SMARCA2: variants seen among roughly 807,000 people sequenced by gnomAD.
SMARCA2 encodes SWI/SNF related BAF chromatin remodeling complex subunit ATPase 2, also known as SWI/SNF-related matrix-associated actin-dependent regulator of chromatin subfamily A member 2.
Under a neutral mutation model 199.8 loss-of-function variants are expected in SMARCA2, and 61 were observed. The ratio of observed to expected loss-of-function variants is 0.31; its 90% CI spans 0.25 to 0.38. SMARCA2 has a LOEUF of 0.38. Among genes scored for constraint, SMARCA2 ranks in the 10% least tolerant of loss-of-function variants. SMARCA2 has a pLI of 1.00. For synonymous variants in SMARCA2, 935 were observed against 732.0 expected (o/e 1.28, Z -4.48); for missense variants, 1,344 against 2,012.2 (o/e 0.67, Z 6.35).
At chr9:2,030,443 A>T (rs914913885) in intron 2 of SMARCA2, among the ~76,000 whole-genome samples, 2 of 152,140 alleles carry the variant, frequency 1.3e-5, no homozygotes, top group African/African-American at 4.8e-5. Flanking sequence ...TCTGAGTCCA[A>T]AGAGCCAGAA....
chr9:2,157,625 T>G (rs1825434081), intron 27 of SMARCA2: 1 of 353,376 alleles, frequency 2.8e-6, no homozygotes, highest in South Asian at 1.5e-4. Context: ...ATTGCTCCTT[T>G]CAGTGTTAAG....
At chr9:2,071,147 ATAAACC>A (rs1343533361) in intron 10 of SMARCA2, among the ~76,000 whole-genome samples, 6 of 152,230 alleles carry the variant, frequency 3.9e-5, no homozygotes, top group African/African-American at 1.4e-4. Context: ...ATAAATTCTG[ATAAACC>A]TACTTGGAGG....
At chr9:2,037,638 T>G (rs909956828) in intron 3 of SMARCA2, among the ~76,000 whole-genome samples, 2 of 152,252 alleles carry the variant, frequency 1.3e-5, no homozygotes, top group African/African-American at 4.8e-5. Flanking sequence ...ATTCTGCAGA[T>G]GCACAGAGCT....
intron 22 of SMARCA2, among the ~76,000 whole-genome samples, chr9:2,102,620 G>A (rs1822570671): frequency 6.6e-6 from 1 of 152,152 alleles, no homozygotes; most frequent in South Asian, 2.1e-4. Flanking sequence ...TGGGTGAACT[G>A]TAGAGGGAAA....
At chr9:2,155,095 A>G (rs73638398) in intron 27 of SMARCA2, among the ~76,000 whole-genome samples, 2,450 of 152,258 alleles carry the variant, frequency 0.016, 70 homozygotes, top group African/African-American at 0.055. Context: ...TGTAAGAACA[A>G]AGGTGTAAAT....
chr9:2,125,431 T>G (rs1450114475), intron 27 of SMARCA2, among the ~76,000 whole-genome samples: 1 of 151,826 alleles, frequency 6.6e-6, no homozygotes, highest in Non-Finnish European at 1.5e-5. Context: ...ATTTAAGCAA[T>G]AAATTGAGTA....
Position 2,060,959 on chromosome 9 carries a change from G to C in SMARCA2, c.1665G>C (p.Glu555Asp). ...WEHKQAQAAK[E>D]KKKRRRRKKK... ...ACAAGCAAGCCCAGGCAGCCAAAGA[G>C]AAGAAGAAGAGGAGGAGGAGGAAGA... The change falls in exon 9 of 34, where the codon GAG (glutamate) becomes GAC (aspartate). Residue 555 changes from glutamate to aspartate, a missense_variant. By Grantham distance (45) the Glu-to-Asp change is conservative. Transcript: ENST00000349721. The C allele has an allele frequency of 1.2e-6, 2 of 1,613,812 alleles. No homozygotes were observed. The highest frequency in any genetic ancestry group is 1.7e-6 in the Non-Finnish European group (2 of 1,179,816).
chr9:2,059,832 G>A (rs945505033), intron 8 of SMARCA2, among the ~76,000 whole-genome samples: 1 of 152,036 alleles, frequency 6.6e-6, no homozygotes, highest in Non-Finnish European at 1.5e-5. Flanking sequence ...TTTTGTTTTT[G>A]CAATGGAGTT....
intron 27 of SMARCA2, among the ~76,000 whole-genome samples, chr9:2,156,414 CTTTTTTTTTTTTTTTT>C (rs57161267): frequency 0.021 from 1,461 of 69,290 alleles, 42 homozygotes; most frequent in African/African-American, 0.093. Flanking sequence ...CCATTTTAGA[CTTTTTTTTTTTTTTTT>C]TTTTTTTTTT....
In SMARCA2 at chr9:2,110,176, A is replaced by T; in HGVS notation, c.3293-78A>T. 8.5e-7 allele frequency: 1 copy of T among 1,182,920 alleles called. No individual in the cohort carries two copies. The highest frequency in any genetic ancestry group is 1.2e-6 in the Non-Finnish European group (1 of 839,238). 73.3% of individuals were successfully genotyped at this position (1,182,920 alleles called of 1,614,324 possible). A position where few individuals can be genotyped will look rare whatever the true frequency, so the allele number is the denominator to read the frequency against. On this transcript the variant is annotated intron_variant, in intron 23 of 33. Transcript: ENST00000349721. The surrounding 1 kb of genome is among the most constrained non-coding windows in gnomAD (Gnocchi z 4.8). ...GGAGTCTGGGTATATTTCTTGAAGG[A>T]AGCAAGCCTTTTTGTCTCATTCTGT...
At chr9:2,072,878 G>A (rs1821152000) in intron 10 of SMARCA2, among the ~76,000 whole-genome samples, 1 of 152,148 alleles carries the variant, frequency 6.6e-6, no homozygotes, top group South Asian at 2.1e-4. Flanking sequence ...CCGCTTTCCT[G>A]GCATTGTTGC....
At chr9:2,140,938 C>T (rs1028731282) in intron 27 of SMARCA2, among the ~76,000 whole-genome samples, 2 of 151,894 alleles carry the variant, frequency 1.3e-5, no homozygotes, top group Non-Finnish European at 2.9e-5. Context: ...TTAAGGGATA[C>T]ATGGAGACCT....
At chr9:2,085,248 A>C (rs1821750233) in intron 17 of SMARCA2, among the ~76,000 whole-genome samples, 1 of 152,210 alleles carries the variant, frequency 6.6e-6, no homozygotes, top group Non-Finnish European at 1.5e-5. Context: ...TTTCAATATT[A>C]CTATGGGAAT....
intron 27 of SMARCA2, chr9:2,159,994 G>A (rs984059843): frequency 3.7e-5 from 56 of 1,530,070 alleles, no homozygotes; most frequent in African/African-American, 2.6e-4. Flanking sequence ...ATCAAAAGCC[G>A]GTGTTCTCCG....
At chr9:2,183,696 G>A (rs1018161295) in intron 31 of SMARCA2, among the ~76,000 whole-genome samples, 1 of 152,160 alleles carries the variant, frequency 6.6e-6, no homozygotes, top group Non-Finnish European at 1.5e-5. Flanking sequence ...CAAGTTAATA[G>A]TAGTAGTATC....
intron 27 of SMARCA2, among the ~76,000 whole-genome samples, chr9:2,142,422 A>C (rs1439864106): frequency 6.6e-6 from 1 of 152,122 alleles, no homozygotes; most frequent in Non-Finnish European, 1.5e-5. Context: ...GCTTGCTTAA[A>C]CTGGCCTGTT....
At chr9:2,156,224 T>C (rs948410422) in intron 27 of SMARCA2, among the ~76,000 whole-genome samples, 1 of 151,932 alleles carries the variant, frequency 6.6e-6, no homozygotes, top group African/African-American at 2.4e-5. Context: ...GTTAAAAGGG[T>C]TGAATTCTGA....
At chr9:2,033,216 A>G in intron 3 of SMARCA2, 135 bp downstream of exon 3, 1 of 910,880 alleles carries the variant, frequency 1.1e-6, no homozygotes, top group Non-Finnish European at 1.7e-6. Flanking sequence ...TTCCTTATGG[A>G]AATCTACCTC....
At chr9:2,061,089 G>A in intron 9 of SMARCA2, 103 bp downstream of exon 9, 1 of 1,111,220 alleles carries the variant, frequency 9.0e-7, no homozygotes, top group Non-Finnish European at 1.3e-6. Context: ...ACTGGTGGAA[G>A]GTTTAGATGA....
Sources: gnomAD v4.1 joint callset for allele counts (sites outside exome capture counted in the v4.1 genomes callset) on GRCh38, gnomAD v4.1.1 for gene constraint, Gnocchi (gnomAD v3.1) non-coding constraint, MANE v1.5 for transcripts, NCBI Gene and HGNC (gene_info 2026-07-23, HGNC 2026-07-21) for gene names.